KIF26B: variants seen among roughly 807,000 people sequenced by gnomAD.
The protein encoded by KIF26B is kinesin family member 26B, also known as kinesin-like protein KIF26B.
In KIF26B, 63 loss-of-function variants were observed where a neutral mutation model predicts 151.2. That is an observed-to-expected ratio of 0.42 (90% confidence interval 0.34 to 0.51). KIF26B has a LOEUF of 0.51. Among genes scored for constraint, KIF26B ranks in the 20% least tolerant of loss-of-function variants. KIF26B has a pLI of 0.07. For missense variants in KIF26B, 2,813 were observed against 2,913.6 expected (o/e 0.97, Z 0.79); for synonymous variants, 1,357 against 1,262.1 (o/e 1.08, Z -1.59).
At chr1:245,462,846 G>GTGAATGAA (rs57966712) in intron 4 of KIF26B, among the ~76,000 whole-genome samples, 1 of 150,668 alleles carries the variant, frequency 6.6e-6, no homozygotes, top group African/African-American at 2.4e-5. Flanking sequence ...AGAAATCAGT[G>GTGAATGAA]TGAATGAATG....
intron 10 of KIF26B, among the ~76,000 whole-genome samples, chr1:245,678,421 C>A (rs1234841744): frequency 3.3e-5 from 5 of 152,122 alleles, no homozygotes; most frequent in Non-Finnish European, 5.9e-5. Flanking sequence ...GATGTAGTTC[C>A]AGGGTGCTGT....
chr1:245,183,360 G>A (rs954558354), intron 2 of KIF26B, among the ~76,000 whole-genome samples: 2 of 152,166 alleles, frequency 1.3e-5, no homozygotes, highest in Non-Finnish European at 2.9e-5. Flanking sequence ...TATCTAAGAA[G>A]TTGTCTAATC....
intron 2 of KIF26B, chr1:245,234,368 ACT>A (rs1174585967): frequency 6.6e-6 from 1 of 152,112 alleles, no homozygotes; most frequent in Non-Finnish European, 1.5e-5. Context: ...TCGCACTCAC[ACT>A]CACACACGTC....
chr1:245,472,147 C>T (rs546010312), intron 4 of KIF26B, among the ~76,000 whole-genome samples: 1 of 152,240 alleles, frequency 6.6e-6, no homozygotes, highest in South Asian at 2.1e-4. Flanking sequence ...AAAATACCTG[C>T]CAGTCAAAAA....
intron 5 of KIF26B, among the ~76,000 whole-genome samples, chr1:245,549,734 C>T (rs1771505): frequency 0.37 from 56,635 of 151,858 alleles, 10,780 homozygotes; most frequent in African/African-American, 0.4. Context: ...TTTCTAATGC[C>T]TCATTGAACC....
Position 245,251,681 on chromosome 1 carries a change from A to G in KIF26B, c.465+94998A>G, listed in dbSNP as rs375098415. 2.6e-5 allele frequency among the ~76,000 whole-genome samples: 4 copies of G among 152,334 alleles called. No homozygotes were observed. In the East Asian group the frequency reaches 5.8e-4, roughly 22 times the overall value. On this transcript the variant is annotated intron_variant, in intron 2 of 14. Transcript: ENST00000407071. ...TTCTGCACTGTTTATTGAATGGTCTATCATATCCTCATGGATTTGTGATGC... is the reference window on the plus strand; with the variant it reads ...TTCTGCACTGTTTATTGAATGGTCTGTCATATCCTCATGGATTTGTGATGC...
In KIF26B at chr1:245,555,275, T is replaced by C. The variant is rs541658738; in HGVS notation, c.1350+14325T>C. On this transcript the variant is annotated intron_variant, in intron 5 of 14. Transcript: ENST00000407071. ...AGGGAATTCTTTTCGTTTCAAGCAATAGAAATTCAAACTGTGATGCCTCAT... is the reference window on the plus strand; with the variant it reads ...AGGGAATTCTTTTCGTTTCAAGCAACAGAAATTCAAACTGTGATGCCTCAT... Among the ~76,000 whole-genome samples the C allele has an allele frequency of 5.3e-5, 8 of 152,124 alleles. No individual in the cohort carries two copies. The South Asian group carries it at 1.7e-3, about 32-fold the overall frequency.
intron 2 of KIF26B, among the ~76,000 whole-genome samples, chr1:245,223,292 A>G (rs1669809260): frequency 6.6e-6 from 1 of 152,168 alleles, no homozygotes; most frequent in Non-Finnish European, 1.5e-5. Flanking sequence ...ACTTCCTCCT[A>G]CATATTTAAG....
At position 245,367,357 on chromosome 1, in the gene KIF26B, A is replaced by G. The variant is rs1181078380; in HGVS notation, c.989A>G (p.Tyr330Cys). The change falls in exon 3 of 15, where the codon TAC (tyrosine) becomes TGC (cysteine). Residue 330 changes from tyrosine to cysteine, a missense_variant. Tyr to Cys is a radical substitution (Grantham distance 194, BLOSUM62 -2). Coordinates refer to ENST00000407071, the MANE Select transcript of KIF26B (RefSeq NM_018012.4). The surrounding 1 kb of genome is among the most constrained non-coding windows in gnomAD (Gnocchi z 4.2). The part of the protein sequence containing the change: ...SLSRTNGVTL[Y>C]PYQISQLMTE... The stretch of plus-strand genomic sequence containing the variant: ...TCGAGAACCAACGGGGTCACCCTGT[A>G]CCCATACCAGGTAAGTAGCCTGTGT... 6.3e-7 allele frequency: 1 copy of G among 1,587,054 alleles called. No individual in the cohort carries two copies. The highest frequency in any genetic ancestry group is 1.8e-5 in the Admixed American group (1 of 55,864).
intron 2 of KIF26B, among the ~76,000 whole-genome samples, chr1:245,365,816 T>C (rs1672936237): frequency 6.6e-6 from 1 of 151,710 alleles, no homozygotes; most frequent in Non-Finnish European, 1.5e-5. Flanking sequence ...AGACGAGAGG[T>C]TCAGTGAGGT....
At chr1:245,630,867 T>C (rs758376727) in intron 9 of KIF26B, among the ~76,000 whole-genome samples, 7 of 152,182 alleles carry the variant, frequency 4.6e-5, no homozygotes, top group Non-Finnish European at 1.0e-4. Flanking sequence ...ATAGAGGTAT[T>C]TCACCTCCTT....
intron 3 of KIF26B, among the ~76,000 whole-genome samples, chr1:245,387,844 G>A (rs907782585): frequency 2.4e-4 from 36 of 152,198 alleles, no homozygotes; most frequent in Non-Finnish European, 4.1e-4. Flanking sequence ...ATAGGAAGGC[G>A]TCAAGGCTAA....
intron 9 of KIF26B, chr1:245,614,859 C>T (rs916975045): frequency 1.0e-5 from 1 of 97,402 alleles, no homozygotes; most frequent in South Asian, 3.5e-4. Flanking sequence ...GAAACGCATT[C>T]GGATAGGGAT....
chr1:245,393,043 T>C (rs6428916), intron 3 of KIF26B, among the ~76,000 whole-genome samples: 35,867 of 151,904 alleles, frequency 0.24, 6,582 homozygotes, highest in African/African-American at 0.51. Flanking sequence ...TGATGGCAGA[T>C]GCCTGTAATC....
chr1:245,238,832 A>C (rs1308108332), intron 2 of KIF26B, among the ~76,000 whole-genome samples: 1 of 152,112 alleles, frequency 6.6e-6, no homozygotes, highest in Non-Finnish European at 1.5e-5. Context: ...ACTGCACTCC[A>C]GCCTGGGTGA....
At chr1:245,616,483 T>C (rs1162970020) in intron 9 of KIF26B, among the ~76,000 whole-genome samples, 1 of 152,238 alleles carries the variant, frequency 6.6e-6, no homozygotes, top group Non-Finnish European at 1.5e-5. Context: ...AGATTTCAGA[T>C]TGTTTTCCGA....
intron 2 of KIF26B, 116 bp downstream of exon 2, chr1:245,156,799 C>G (rs1351316959): frequency 5.0e-6 from 3 of 596,098 alleles, no homozygotes; most frequent in Non-Finnish European, 7.5e-6. Context: ...CGAGAGCCCC[C>G]GGCGGCGCTG....
At chr1:245,204,386 T>C (rs1268195000) in intron 2 of KIF26B, among the ~76,000 whole-genome samples, 1 of 152,110 alleles carries the variant, frequency 6.6e-6, no homozygotes. Flanking sequence ...CTCTTTTTTT[T>C]TTTTTGAGAT....
intron 5 of KIF26B, among the ~76,000 whole-genome samples, chr1:245,592,004 G>T (rs1368794223): frequency 3.3e-5 from 5 of 152,162 alleles, no homozygotes; most frequent in Non-Finnish European, 7.3e-5. Flanking sequence ...TGACAGACTC[G>T]TGTTGATGAA....
Sources: allele counts gnomAD v4.1 joint callset (sites outside exome capture counted in the v4.1 genomes callset), GRCh38; gene constraint gnomAD v4.1.1; non-coding constraint Gnocchi (gnomAD v3.1); transcripts MANE v1.5; gene names NCBI Gene and HGNC (gene_info 2026-07-23, HGNC 2026-07-21).